Variants in HK1 observed in about 807,000 individuals in gnomAD.
HK1 encodes the protein hexokinase-1.
Under a neutral mutation model 91.6 loss-of-function variants are expected in HK1, and 28 were observed. The observed-to-expected ratio is 0.31, with a 90% CI of 0.23 to 0.42. The LOEUF is 0.42. HK1 is among the 10% of genes least tolerant of loss of function. The pLI, the probability that HK1 is intolerant of heterozygous loss-of-function variation, is 1.00. For synonymous variants in HK1, 430 were observed against 468.1 expected, an observed-to-expected ratio of 0.92 and a Z score of 1.05; for missense variants, 770 against 1,219.8, an observed-to-expected ratio of 0.63 and a Z score of 5.49.
chr10:69,385,340 A>G (rs764890153), intron 12 of HK1, among the ~76,000 whole-genome samples: 2 of 152,218 alleles, frequency 1.3e-5, no homozygotes, highest in Non-Finnish European at 2.9e-5. Flanking sequence ...TTTGTTCAAT[A>G]TATGAGATGA....
At chr10:69,305,282 T>G (rs1200584036) in intron 5 of HK1, among the ~76,000 whole-genome samples, 2 of 152,112 alleles carry the variant, frequency 1.3e-5, no homozygotes, top group African/African-American at 4.8e-5. Flanking sequence ...GGCCAGAGCT[T>G]GGTCACATGC....
In HK1 at chr10:69,401,120, A is replaced by G. The variant is rs759451472; in HGVS notation, c.2739A>G (p.Thr913=). Residue 913 remains threonine (T), a synonymous_variant, in exon 18 of 18, where the codon ACA becomes ACG. Coordinates refer to ENST00000359426, the MANE Select transcript of HK1 (RefSeq NM_000188.3). Reference sequence around the variant, plus strand: ...CGGCCGTGGGCGTGCGGTTACGCACAGAGGCAAGCAGCTAAGAGTCCGGGA... The same window carrying G: ...CGGCCGTGGGCGTGCGGTTACGCACGGAGGCAAGCAGCTAAGAGTCCGGGA... ...LITAVGVRLR[T]EASS is the part of the protein sequence containing the mutation. 1 of 1,613,778 alleles carries G rather than the reference A, an allele frequency of 6.2e-7. No homozygotes were observed. The highest frequency in any genetic ancestry group is 1.3e-5 in the African/African-American group (1 of 74,956).
Position 69,386,417 on chromosome 10 carries a change from A to T in HK1, c.1934A>T (p.Glu645Val). ...TLLRDAIKRR[E>V]EFDLDVVAVV... ...CTAAGGGATGCGATAAAAAGGAGAG[A>T]GGTAACTATTAAAAGAATGTTTTTT... Residue 645 changes from glutamate (E) to valine (V), a missense_variant and splice_region_variant, in exon 13 of 18, where the codon GAG becomes GTG. Transcript: ENST00000359426. 8 of 1,604,068 alleles carry T rather than the reference A, an allele frequency of 5.0e-6. No homozygotes were observed. Among genetic ancestry groups the T allele is most frequent in the Non-Finnish European group, 6.8e-6 (8 of 1,170,846 alleles).
chr10:69,394,857 G>A, intron 15 of HK1, 93 bp from the exon 16 acceptor site: 2 of 1,257,192 alleles, frequency 1.6e-6, no homozygotes, highest in Non-Finnish European at 1.2e-6. Flanking sequence ...CGCTTGAGGG[G>A]CAGTAGGAGA....
At chr10:69,286,768 G>A (rs1019162036) in intron 2 of HK1, among the ~76,000 whole-genome samples, 2 of 151,930 alleles carry the variant, frequency 1.3e-5, no homozygotes, top group African/African-American at 2.4e-5. Flanking sequence ...GGCTGGTCTC[G>A]AACTCCTGAC....
At chr10:69,358,244 G>A (rs1456102601) in intron 2 of HK1, among the ~76,000 whole-genome samples, 1 of 152,188 alleles carries the variant, frequency 6.6e-6, no homozygotes, top group Non-Finnish European at 1.5e-5. Flanking sequence ...AGCATCGTGA[G>A]GATAACTAAT....
chr10:69,313,307 G>T (rs145057246), upstream of HK1, among the ~76,000 whole-genome samples: 4 of 152,256 alleles, frequency 2.6e-5, no homozygotes, highest in South Asian at 2.1e-4. Context: ...CTGTCTAAAG[G>T]GGGCGGTGGC....
In HK1 at chr10:69,395,016, C is replaced by T; in HGVS notation, c.2286C>T (p.Thr762=). ...EIVRNILIDF[T]KKGFLFRGQI... ...TCCGCAACATCTTAATCGACTTCACCAAGAAGGGATTCCTCTTCCGAGGGC... is the reference window on the plus strand; with the variant it reads ...TCCGCAACATCTTAATCGACTTCACTAAGAAGGGATTCCTCTTCCGAGGGC... The change falls in exon 16 of 18, where the codon ACC becomes ACT. Residue 762 remains threonine, a synonymous_variant. Coordinates refer to ENST00000359426, the MANE Select transcript of HK1 (RefSeq NM_000188.3). 1 of 1,613,964 alleles carries T rather than the reference C, an allele frequency of 6.2e-7. No homozygotes were observed.
At position 69,395,493 on chromosome 10, in the gene HK1, A is replaced by G. The variant is rs180760259; in HGVS notation, c.2375+388A>G. 2.8e-3 allele frequency among the ~76,000 whole-genome samples: 424 copies of G among 152,260 alleles called. 1 individual carries two copies. The highest frequency in any genetic ancestry group is 9.8e-3 in the African/African-American group (406 of 41,552). ...CTTGGGAGGCTGAGGCAGGAGACTC[A>G]CTTGAACCCAGGAGGTGGAGGTTGC... is the stretch of plus-strand genomic sequence containing the variant. On this transcript the variant is annotated intron_variant, in intron 16 of 17. Coordinates refer to ENST00000359426, the MANE Select transcript of HK1 (RefSeq NM_000188.3).
In HK1 at chr10:69,276,122, C is replaced by CATATATAT. The variant is rs1491489087; in HGVS notation, c.-391+6024_-391+6031dup. On this transcript the variant is annotated intron_variant, in intron 1 of 21. Coordinates refer to the HK1 transcript ENST00000360289. ...AAAAAAAAAAAAAAAAAAAAAAATA[C>CATATATAT]ATATATATATATATATACACATATA... Among the ~76,000 whole-genome samples, 12 of 49,008 alleles carry CATATATAT rather than the reference C, an allele frequency of 2.4e-4. 1 individual carries two copies. Among genetic ancestry groups the CATATATAT allele is most frequent in the African/African-American group, 8.2e-4 (12 of 14,570 alleles). The allele number at this position is 49,008 out of a possible 152,430, so 32.2% of individuals were successfully genotyped here.
In HK1 at chr10:69,398,607, A is replaced by G; in HGVS notation, c.2388A>G (p.Ala796=). ...FLSQIESDRL[A]LLQVRAILQQ... ...TTGTCCCCCACAGTGACCGATTAGC[A>G]CTGCTCCAGGTCCGGGCTATCCTCC... The change falls in exon 17 of 18, where the codon GCA becomes GCG. Residue 796 remains alanine (A), a synonymous_variant. Coordinates refer to ENST00000359426, the MANE Select transcript of HK1 (RefSeq NM_000188.3). 7 of 1,613,494 alleles carry G rather than the reference A, an allele frequency of 4.3e-6. No homozygotes were observed. The highest frequency in any genetic ancestry group is 5.9e-6 in the Non-Finnish European group (7 of 1,179,756).
At chr10:69,295,487 G>A (rs2394545) in intron 3 of HK1, 65,267 of 684,716 alleles carry the variant, frequency 0.095, 6,441 homozygotes, top group East Asian at 0.46. Flanking sequence ...TGGTAATCAT[G>A]ATAGAATTTG....
At chr10:69,382,281 G>A (rs917573432) in intron 9 of HK1, among the ~76,000 whole-genome samples, 11 of 152,156 alleles carry the variant, frequency 7.2e-5, no homozygotes, top group Admixed American at 1.3e-4. Flanking sequence ...AGGCTAAGGT[G>A]GGAGGATCAC....
chr10:69,300,020 G>A (rs1463176419), intron 4 of HK1, among the ~76,000 whole-genome samples: 1 of 149,242 alleles, frequency 6.7e-6, no homozygotes, highest in East Asian at 2.0e-4. Flanking sequence ...GGCTGGTCTT[G>A]AACTCCTGAG....
intron 3 of HK1, among the ~76,000 whole-genome samples, chr10:69,289,321 G>T (rs1388794050): frequency 6.6e-6 from 1 of 152,054 alleles, no homozygotes; most frequent in African/African-American, 2.4e-5. Context: ...CTGGTTAATT[G>T]CTTTTTAGAC....
Position 69,384,997 on chromosome 10 carries a change from T to C in HK1, c.1839+82T>C, listed in dbSNP as rs1839566784. On this transcript the variant is annotated intron_variant, in intron 12 of 17. Transcript: ENST00000359426. ...GGGTGGGCTGGCCCTTGAGGCCTTC[T>C]CCAGCCTCAGTGTCATTCCTAGATG... 2.1e-6 allele frequency: 3 copies of C among 1,458,368 alleles called. No homozygotes were observed. The East Asian group carries it at 6.8e-5, about 33-fold the overall frequency. The allele number at this position is 1,458,368 out of a possible 1,614,324, so 90.3% of individuals were successfully genotyped here. A position where few individuals can be genotyped will look rare whatever the true frequency, so the allele number is the denominator to read the frequency against.
At chr10:69,318,776 G>GCGCGGAGACCGGGAGCGCGCGAGCTGT, upstream of HK1, 2 of 1,289,418 alleles carry the variant, frequency 1.6e-6, no homozygotes, top group Non-Finnish European at 2.0e-6. Flanking sequence ...GGGGACGGGA[G>GCGCGGAGACCGGGAGCGCGCGAGCTGT]CGCGGAGACC....
At chr10:69,293,855 C>CTTTTTT (rs34434447) in intron 3 of HK1, among the ~76,000 whole-genome samples, 4 of 98,982 alleles carry the variant, frequency 4.0e-5, no homozygotes, top group African/African-American at 4.1e-5. Context: ...ATATTTCTTT[C>CTTTTTT]TTTTTTTTTT....
chr10:69,360,382 G>C (rs1564540284), intron 3 of HK1, among the ~76,000 whole-genome samples: 2 of 152,146 alleles, frequency 1.3e-5, no homozygotes, highest in Non-Finnish European at 2.9e-5. Context: ...CCCCAGTGCA[G>C]GTTTAGCAGA....
Sources: gnomAD v4.1 joint callset for allele counts (sites outside exome capture counted in the v4.1 genomes callset) on GRCh38, gnomAD v4.1.1 for gene constraint, MANE v1.5 for transcripts, NCBI Gene and HGNC (gene_info 2026-07-23, HGNC 2026-07-21) for gene names.